Variants in NCOR2 observed in about 807,000 individuals in gnomAD.
The protein encoded by NCOR2 is nuclear receptor corepressor 2, also known as CTG repeat protein 26.
In NCOR2, 81 loss-of-function variants were observed where a neutral mutation model predicts 262.9. That is an observed-to-expected ratio of 0.31 (90% CI 0.26 to 0.37). The LOEUF (loss-of-function observed/expected upper bound fraction) is 0.37. NCOR2 is among the 10% of genes least tolerant of loss of function. The pLI, the probability that NCOR2 is intolerant of heterozygous loss-of-function variation, is 1.00. For missense variants in NCOR2, 3,385 were observed against 3,621.4 expected (o/e 0.93, Z 1.68); for synonymous variants, 1,659 against 1,559.3 (o/e 1.06, Z -1.51).
chr12:124,449,500 A>T (rs2045390467), intron 7 of NCOR2, among the ~76,000 whole-genome samples: 1 of 152,172 alleles, frequency 6.6e-6, no homozygotes, highest in South Asian at 2.1e-4. Context: ...CTCCTGCTCG[A>T]ACAGGATGCA....
chr12:124,517,511 C>T lies in NCOR2; in HGVS notation c.-118+18054G>A, dbSNP rs564077593. ...ATGGGCACCGAGCCAAGCGCCACCT[C>T]GGTGGGGAGCCGGGCGCCGGGGCCG... On this transcript the variant is annotated intron_variant, in intron 1 of 46. Transcript: ENST00000404621. The surrounding 1 kb of genome is among the most constrained non-coding windows in gnomAD (Gnocchi z 7.6). Among the ~76,000 whole-genome samples, 64 of 152,320 alleles carry T rather than the reference C, an allele frequency of 4.2e-4. No individual in the cohort carries two copies. Among genetic ancestry groups the T allele is most frequent in the African/African-American group, 1.5e-3 (61 of 41,572 alleles).
intron 20 of NCOR2, among the ~76,000 whole-genome samples, chr12:124,367,559 G>A (rs905095586): frequency 6.6e-6 from 1 of 152,154 alleles, no homozygotes; most frequent in Admixed American, 6.5e-5. Context: ...CCATGCTGGA[G>A]GAGCGCCACC....
intron 1 of NCOR2, chr12:124,562,009 C>G (rs1019095521): frequency 2.0e-5 from 3 of 152,192 alleles, no homozygotes; most frequent in African/African-American, 7.2e-5. Context: ...GAGCAAGACC[C>G]TACCTCAGAA....
At chr12:124,374,286 C>A in intron 19 of NCOR2, 127 bp downstream of exon 21, 1 of 956,988 alleles carries the variant, frequency 1.0e-6, no homozygotes, top group Admixed American at 2.2e-5. Context: ...GGCCGCGGAG[C>A]ACAAACGGTG....
intron 13 of NCOR2, among the ~76,000 whole-genome samples, chr12:124,408,328 TG>T (rs2042385787): frequency 6.6e-6 from 1 of 151,590 alleles, no homozygotes; most frequent in Non-Finnish European, 1.5e-5. Context: ...CACTGCAGCC[TG>T]GGTGACAGAG....
intron 12 of NCOR2, among the ~76,000 whole-genome samples, chr12:124,420,399 C>A (rs868509215): frequency 7.2e-5 from 11 of 152,196 alleles, no homozygotes; most frequent in African/African-American, 2.4e-4. Flanking sequence ...CATGTCACCC[C>A]CAGCCCTTAT....
chr12:124,371,240 C>T (rs2039485348), intron 20 of NCOR2, among the ~76,000 whole-genome samples: 1 of 151,174 alleles, frequency 6.6e-6, no homozygotes, highest in African/African-American at 2.4e-5. Flanking sequence ...CTGCCCCCTC[C>T]CTGAGCCACC....
rs1490956393 is a variant in NCOR2 at position 124,389,516 on chromosome 12, C to G, written c.1877-3629G>C. 3.3e-5 allele frequency among the ~76,000 whole-genome samples: 5 copies of G among 152,206 alleles called. No homozygotes were observed. Among genetic ancestry groups the G allele is most frequent in the Admixed American group, 1.3e-4 (2 of 15,290 alleles). Reference sequence around the variant, plus strand: ...CCAGAAAAACAGAGCTTCTCCACCCCCGGCAGACAGGGAGCAAACAGCTTC... The same window carrying G: ...CCAGAAAAACAGAGCTTCTCCACCCGCGGCAGACAGGGAGCAAACAGCTTC... On this transcript the variant is annotated intron_variant, in intron 16 of 46. Coordinates refer to ENST00000405201, the Ensembl canonical transcript of NCOR2. The surrounding 1 kb of genome is among the most constrained non-coding windows in gnomAD (Gnocchi z 4.4).
At chr12:124,345,006 G>A in intron 31 of NCOR2, 55 bp from the exon 34 acceptor site, 4 of 1,409,172 alleles carry the variant, frequency 2.8e-6, no homozygotes, top group Middle Eastern at 3.9e-4. Flanking sequence ...GCCCAGACCA[G>A]CTGCATCCCC....
At position 124,558,048 on chromosome 12, in the gene NCOR2, G is replaced by A. The variant is rs372019465; in HGVS notation, c.-165+9260C>T. Reference sequence around the variant, plus strand: ...CTCTCCTCTTTAGCTTCAGGAGCAGGGCTGGCACCAGGCAGGTTCCCATGG... The same window carrying A: ...CTCTCCTCTTTAGCTTCAGGAGCAGAGCTGGCACCAGGCAGGTTCCCATGG... On this transcript the variant is annotated intron_variant, in intron 1 of 32. Coordinates refer to the NCOR2 transcript ENST00000458234. 5.3e-5 allele frequency among the ~76,000 whole-genome samples: 8 copies of A among 152,232 alleles called. No homozygotes were observed. In the East Asian group the frequency reaches 1.4e-3, roughly 26 times the overall value.
chr12:124,388,987 C>T (rs982777247), intron 16 of NCOR2: 2 of 497,844 alleles, frequency 4.0e-6, no homozygotes, highest in Non-Finnish European at 5.2e-6. Context: ...TGTGGTGGCC[C>T]GGGGCTCCTC....
At chr12:124,514,846 G>C (rs2049624615) in intron 1 of NCOR2, 1 of 142,404 alleles carries the variant, frequency 7.0e-6, no homozygotes, top group South Asian at 2.2e-4. Context: ...AAAGGTTATA[G>C]CCAGTGCAAA....
At chr12:124,416,081 C>T (rs2042843092) in intron 13 of NCOR2, among the ~76,000 whole-genome samples, 1 of 152,108 alleles carries the variant, frequency 6.6e-6, no homozygotes, top group South Asian at 2.1e-4. Context: ...CAATTCAGGG[C>T]CAATGGCCAA....
intron 44 of NCOR2, chr12:124,329,040 G>A (rs1422086330): frequency 2.2e-6 from 1 of 462,156 alleles, no homozygotes; most frequent in Non-Finnish European, 4.5e-6. Context: ...AAGGCCACGA[G>A]TCCGTGACCT....
intron 1 of NCOR2, among the ~76,000 whole-genome samples, chr12:124,527,346 T>C (rs955879639): frequency 3.3e-5 from 5 of 152,234 alleles, no homozygotes; most frequent in Admixed American, 6.5e-5. Context: ...TGTGCCTCAG[T>C]TTCCTCATAT....
At chr12:124,477,286 T>C (rs2047154588) in intron 3 of NCOR2, among the ~76,000 whole-genome samples, 1 of 152,238 alleles carries the variant, frequency 6.6e-6, no homozygotes, top group African/African-American at 2.4e-5. Flanking sequence ...TATAAGGGGC[T>C]TTCCCCACTT....
intron 1 of NCOR2, among the ~76,000 whole-genome samples, chr12:124,489,026 C>A (rs979990435): frequency 6.6e-6 from 1 of 152,024 alleles, no homozygotes; most frequent in Non-Finnish European, 1.5e-5. Flanking sequence ...TCGGTCCACA[C>A]TGGCCCCCAC....
At chr12:124,567,549 G>A (rs1415983418), upstream of NCOR2, 1 of 146,426 alleles carries the variant, frequency 6.8e-6, no homozygotes, top group Non-Finnish European at 1.5e-5. Context: ...GGCGGACGCG[G>A]GGCTCCGGTG....
chr12:124,365,784 C>T (rs1206112150), intron 20 of NCOR2, among the ~76,000 whole-genome samples: 2 of 151,966 alleles, frequency 1.3e-5, no homozygotes, highest in Non-Finnish European at 2.9e-5. Context: ...AAAGCCTCTC[C>T]TTTGGCCACT....
Sources: allele counts gnomAD v4.1 joint callset (sites outside exome capture counted in the v4.1 genomes callset), GRCh38; gene constraint gnomAD v4.1.1; non-coding constraint Gnocchi (gnomAD v3.1); transcripts MANE v1.5; gene names NCBI Gene and HGNC (gene_info 2026-07-23, HGNC 2026-07-21).